Variants in NAALADL2 observed in about 807,000 individuals in gnomAD.
NAALADL2 encodes inactive N-acetylated-alpha-linked acidic dipeptidase-like protein 2.
NAALADL2 carries 76 observed loss-of-function variants against 87.2 expected under a neutral mutation model. That is an observed-to-expected ratio of 0.87 (90% CI 0.72 to 1.05). NAALADL2 has a LOEUF of 1.05. Among genes scored for constraint, NAALADL2 ranks in the 50% least tolerant of loss-of-function variants. The probability of loss-of-function intolerance (pLI) is 0.00; values close to 1 mark genes in which losing one functional copy is unlikely to be tolerated. For missense variants in NAALADL2, 1,089 were observed against 945.8 expected, an observed-to-expected ratio of 1.15 and a Z score of -1.99; for synonymous variants, 354 against 331.0, an observed-to-expected ratio of 1.07 and a Z score of -0.75.
At chr3:175,500,680 TAAC>T (rs1053462313) in intron 9 of NAALADL2, among the ~76,000 whole-genome samples, 6 of 152,060 alleles carry the variant, frequency 3.9e-5, no homozygotes, top group Non-Finnish European at 8.8e-5. Flanking sequence ...TTAATCTTCT[TAAC>T]AACATTATGA....
chr3:174,734,669 A>C (rs1443614662), intron 2 of NAALADL2, among the ~76,000 whole-genome samples: 1 of 152,204 alleles, frequency 6.6e-6, no homozygotes, highest in Non-Finnish European at 1.5e-5. Flanking sequence ...TTCATGTATT[A>C]GCCTAGTTAG....
chr3:175,336,935 TATG>T (rs1386696976), intron 5 of NAALADL2, among the ~76,000 whole-genome samples: 1 of 152,184 alleles, frequency 6.6e-6, no homozygotes, highest in Non-Finnish European at 1.5e-5. Flanking sequence ...TGACAGTTTT[TATG>T]ATAATACAGA....
intron 1 of NAALADL2, among the ~76,000 whole-genome samples, chr3:174,992,859 A>G (rs908557128): frequency 3.3e-5 from 5 of 152,168 alleles, no homozygotes; most frequent in Admixed American, 3.3e-4. Flanking sequence ...ATTTTTAAAC[A>G]CAGAACTGTG....
At chr3:174,882,860 CATATGTGT>C (rs765325778) in intron 1 of NAALADL2, among the ~76,000 whole-genome samples, 102 of 111,056 alleles carry the variant, frequency 9.2e-4, no homozygotes, top group African/African-American at 2.3e-3. Flanking sequence ...TGTATATATA[CATATGTGT>C]ATATGTGTAT....
chr3:175,436,312 C>A (rs538377287), intron 5 of NAALADL2, among the ~76,000 whole-genome samples: 1 of 149,056 alleles, frequency 6.7e-6, no homozygotes, highest in Non-Finnish European at 1.5e-5. Context: ...AATAAACATA[C>A]GTGTGCATGC....
chr3:174,508,117 T>TTTTTTTGTTTGTTTG (rs1560020993), intron 1 of NAALADL2, among the ~76,000 whole-genome samples: 2 of 140,778 alleles, frequency 1.4e-5, no homozygotes, highest in South Asian at 2.4e-4. Context: ...TCTAGTGGTT[T>TTTTTTTGTTTGTTTG]TTTTTTTTTT....
At chr3:175,530,528 G>A (rs554412538) in intron 9 of NAALADL2, among the ~76,000 whole-genome samples, 23 of 152,200 alleles carry the variant, frequency 1.5e-4, no homozygotes, top group Non-Finnish European at 2.9e-4. Flanking sequence ...GAAAAGGGCT[G>A]TAATGCTGCA....
chr3:175,335,464 T>C (rs1302881315), intron 5 of NAALADL2, among the ~76,000 whole-genome samples: 1 of 152,228 alleles, frequency 6.6e-6, no homozygotes, highest in Non-Finnish European at 1.5e-5. Flanking sequence ...TTGAAAGTTG[T>C]ATTTACAAAG....
rs200176545 is a variant in NAALADL2 at position 175,216,207 on chromosome 3, T to C, written c.546-17724T>C. ...GAAAAAAGATGACCAATTTTGAATA[T>C]TATGTACCGTGATTCCCCCTTCCCC... On this transcript the variant is annotated intron_variant, in intron 2 of 13. Coordinates refer to ENST00000454872, the MANE Select transcript of NAALADL2 (RefSeq NM_207015.3). Among the ~76,000 whole-genome samples the C allele has an allele frequency of 5.3e-5, 8 of 152,272 alleles. No homozygotes were observed. In the East Asian group the frequency reaches 1.5e-3, roughly 29 times the overall value.
intron 1 of NAALADL2, among the ~76,000 whole-genome samples, chr3:174,450,624 CA>C (rs1308939531): frequency 6.6e-6 from 1 of 152,072 alleles, no homozygotes; most frequent in Non-Finnish European, 1.5e-5. Flanking sequence ...GTAATCCCAG[CA>C]CTTTGGGAGG....
intron 5 of NAALADL2, among the ~76,000 whole-genome samples, chr3:175,381,216 T>A (rs1444765600): frequency 6.6e-6 from 1 of 151,618 alleles, no homozygotes; most frequent in African/African-American, 2.4e-5. Context: ...ATTCTTAAAG[T>A]ATTTTGGTTA....
intron 1 of NAALADL2, among the ~76,000 whole-genome samples, chr3:175,004,402 A>T (rs2108775382): frequency 6.7e-6 from 1 of 149,874 alleles, no homozygotes; most frequent in Middle Eastern, 3.4e-3. Context: ...AAAAAAAAAA[A>T]AAAGCCAAAA....
intron 2 of NAALADL2, among the ~76,000 whole-genome samples, chr3:175,115,424 TC>T (rs11360765): frequency 0.6 from 91,157 of 150,960 alleles, 28,007 homozygotes; most frequent in African/African-American, 0.73. Context: ...AAACTTAATT[TC>T]TTTTAATAAA....
chr3:175,354,813 C>T (rs9809218), intron 5 of NAALADL2, among the ~76,000 whole-genome samples: 11,167 of 150,960 alleles, frequency 0.074, 1,227 homozygotes, highest in African/African-American at 0.24. Context: ...CCACTATGCC[C>T]AGTTGCATAT....
At chr3:175,059,954 C>T (rs1035767239) in intron 1 of NAALADL2, 13 of 432,002 alleles carry the variant, frequency 3.0e-5, no homozygotes, top group East Asian at 7.5e-5. Context: ...ACATAACCTT[C>T]GATGTAGCTC....
intron 2 of NAALADL2, among the ~76,000 whole-genome samples, chr3:174,608,206 A>G (rs1449529478): frequency 6.6e-6 from 1 of 152,026 alleles, no homozygotes; most frequent in Non-Finnish European, 1.5e-5. Context: ...TGCCCACAAG[A>G]GAAAGCAGGA....
chr3:174,843,209 C>T (rs1007173902), intron 3 of NAALADL2, among the ~76,000 whole-genome samples: 9 of 152,110 alleles, frequency 5.9e-5, no homozygotes, highest in South Asian at 2.1e-4. Flanking sequence ...CTTATTTCTT[C>T]TAATAGTAAT....
At chr3:175,145,514 A>G (rs919109620) in intron 2 of NAALADL2, among the ~76,000 whole-genome samples, 1 of 151,794 alleles carries the variant, frequency 6.6e-6, no homozygotes, top group Non-Finnish European at 1.5e-5. Context: ...AAGAAAATGT[A>G]TTTTTTTTCT....
intron 1 of NAALADL2, among the ~76,000 whole-genome samples, chr3:175,074,996 C>T (rs561057433): frequency 6.6e-6 from 1 of 152,044 alleles, no homozygotes. Context: ...TAGAGAGATA[C>T]GTAAGCAATT....
Sources: gnomAD v4.1 joint callset for allele counts (sites outside exome capture counted in the v4.1 genomes callset) on GRCh38, gnomAD v4.1.1 for gene constraint, MANE v1.5 for transcripts, NCBI Gene and HGNC (gene_info 2026-07-23, HGNC 2026-07-21) for gene names.